The following CAMK2B variants were observed in gnomAD, a reference collection of about 807,000 sequenced individuals.
CAMK2B encodes calcium/calmodulin-dependent protein kinase type II subunit beta.
A neutral mutation model predicts 93.7 loss-of-function variants in CAMK2B; 27 were observed. The observed-to-expected ratio is 0.29, with a 90% CI of 0.21 to 0.40. The LOEUF is 0.40. Ranked by LOEUF, CAMK2B falls within the 10% of genes least tolerant of loss-of-function variation. The pLI, the probability that CAMK2B is intolerant of heterozygous loss-of-function variation, is 1.00. For synonymous variants in CAMK2B, 374 were observed against 358.8 expected (o/e 1.04, Z -0.48); for missense variants, 568 against 895.8 (o/e 0.63, Z 4.67).
rs10237991 is a variant in CAMK2B at position 44,308,581 on chromosome 7, G to A, written c.65+16776C>T. 3.2e-3 allele frequency among the ~76,000 whole-genome samples: 492 copies of A among 152,308 alleles called. 2 individuals carry two copies. Among genetic ancestry groups the A allele is most frequent in the African/African-American group, 0.011 (467 of 41,560 alleles). The stretch of plus-strand genomic sequence containing the variant: ...ACCACACTGCTGCCCTCTCTGAGCT[G>A]GATCCACAGGGACACCCGGAGGGCA... On this transcript the variant is annotated intron_variant, in intron 1 of 23. Transcript: ENST00000395749.
intron 1 of CAMK2B, among the ~76,000 whole-genome samples, chr7:44,307,345 C>A (rs1584847085): frequency 1.1e-5 from 1 of 92,626 alleles, no homozygotes; most frequent in African/African-American, 4.7e-5. Flanking sequence ...AAGTTGTCAG[C>A]AGGGGGAGGA....
chr7:44,322,666 T>G (rs533719685), intron 1 of CAMK2B, among the ~76,000 whole-genome samples: 15 of 152,340 alleles, frequency 9.8e-5, no homozygotes, highest in African/African-American at 3.6e-4. Context: ...ACACTCCCTA[T>G]AGAGCTGGGC....
At chr7:44,230,238 G>A (rs1169042030) in intron 17 of CAMK2B, 2 of 152,424 alleles carry the variant, frequency 1.3e-5, no homozygotes, top group African/African-American at 4.8e-5. Flanking sequence ...TCTCTGCTCA[G>A]GGACAGTGTC....
At chr7:44,292,760 T>A (rs1787216797) in intron 1 of CAMK2B, among the ~76,000 whole-genome samples, 1 of 152,198 alleles carries the variant, frequency 6.6e-6, no homozygotes, top group Non-Finnish European at 1.5e-5. Flanking sequence ...GGACTTCTAT[T>A]CTTAGGACTC....
chr7:44,302,844 G>C (rs1470424855), intron 1 of CAMK2B, among the ~76,000 whole-genome samples: 1 of 152,094 alleles, frequency 6.6e-6, no homozygotes. Flanking sequence ...CTAAGATCAG[G>C]AACAAAGCAA....
intron 2 of CAMK2B, among the ~76,000 whole-genome samples, chr7:44,276,427 C>A (rs1249449488): frequency 2.6e-5 from 4 of 151,948 alleles, no homozygotes; most frequent in African/African-American, 7.3e-5. Flanking sequence ...GGAGGCAGCA[C>A]CCCCCCGCCA....
At chr7:44,301,409 T>C (rs1182194963) in intron 1 of CAMK2B, among the ~76,000 whole-genome samples, 1 of 152,180 alleles carries the variant, frequency 6.6e-6, no homozygotes, top group African/African-American at 2.4e-5. Flanking sequence ...AGCACTGGGA[T>C]TACAGGTGTC....
chr7:44,232,221 C>T (rs1271129587), intron 16 of CAMK2B, among the ~76,000 whole-genome samples: 2 of 152,146 alleles, frequency 1.3e-5, no homozygotes, highest in African/African-American at 4.8e-5. Flanking sequence ...TGTAAGGAGC[C>T]CAGGCCTAGG....
intron 5 of CAMK2B, among the ~76,000 whole-genome samples, chr7:44,253,553 T>G (rs2096800958): frequency 6.6e-6 from 1 of 152,178 alleles, no homozygotes; most frequent in Non-Finnish European, 1.5e-5. Context: ...AAATTTAAAA[T>G]CATCCACAAT....
chr7:44,317,220 A>G (rs1294697046), intron 1 of CAMK2B, among the ~76,000 whole-genome samples: 3 of 149,954 alleles, frequency 2.0e-5, no homozygotes, highest in African/African-American at 4.9e-5. Flanking sequence ...GACTGTAACT[A>G]TTATCCTTAA....
At chr7:44,240,187 G>A (rs1214052760) in intron 12 of CAMK2B, among the ~76,000 whole-genome samples, 1 of 152,080 alleles carries the variant, frequency 6.6e-6, no homozygotes, top group African/African-American at 2.4e-5. Flanking sequence ...TGGGCCTCAG[G>A]GGTCTATAAC....
chr7:44,241,278 C>G (rs1584071627), intron 11 of CAMK2B, among the ~76,000 whole-genome samples: 1 of 152,320 alleles, frequency 6.6e-6, no homozygotes, highest in East Asian at 1.9e-4. Context: ...CCACCTCCCT[C>G]CCAGAACTCC....
intron 2 of CAMK2B, among the ~76,000 whole-genome samples, chr7:44,283,801 T>C (rs980694966): frequency 1.3e-5 from 2 of 152,186 alleles, no homozygotes; most frequent in Non-Finnish European, 2.9e-5. Flanking sequence ...GAGACCCCCA[T>C]ACACGGGATG....
chr7:44,235,227 G>C (rs1190203772), intron 13 of CAMK2B, among the ~76,000 whole-genome samples: 2 of 152,242 alleles, frequency 1.3e-5, no homozygotes, highest in East Asian at 3.8e-4. Flanking sequence ...TCAGAGGTCT[G>C]TCCCATTGGC....
At chr7:44,253,142 C>T (rs79678152) in intron 5 of CAMK2B, among the ~76,000 whole-genome samples, 2,364 of 151,154 alleles carry the variant, frequency 0.016, 13 homozygotes, top group South Asian at 0.026. Flanking sequence ...ACTTCTGCTA[C>T]TTAAAAAAAA....
At position 44,220,658 on chromosome 7, in the gene CAMK2B, G is replaced by A. The variant is rs2096389043; in HGVS notation, c.1726C>T (p.Leu576=). Residue 576 remains leucine, a synonymous_variant, in exon 22 of 24, where the codon CTG becomes TTG. Transcript: ENST00000395749. The part of the protein sequence containing the change: ...TSFEPEALGN[L]VEGMDFHRFY... ...CTGTGGAAGTCCATCCCTTCAACCA[G>A]GTTGCCCAGTGCTTCAGGCTCAAAC... 2 of 1,613,808 alleles carry A rather than the reference G, an allele frequency of 1.2e-6. No individual in the cohort carries two copies. Among genetic ancestry groups the A allele is most frequent in the Non-Finnish European group, 1.7e-6 (2 of 1,179,960 alleles).
At chr7:44,291,230 G>T (rs969253647) in intron 1 of CAMK2B, among the ~76,000 whole-genome samples, 1 of 152,118 alleles carries the variant, frequency 6.6e-6, no homozygotes, top group Admixed American at 6.5e-5. Context: ...GGAGAGTGTT[G>T]GGGTTCCGCC....
intron 1 of CAMK2B, among the ~76,000 whole-genome samples, chr7:44,285,904 T>C (rs73691455): frequency 0.13 from 19,094 of 144,514 alleles, 1,882 homozygotes; most frequent in African/African-American, 0.26. Context: ...CGGTGAGGTG[T>C]TCACTGTTCA....
intron 1 of CAMK2B, among the ~76,000 whole-genome samples, chr7:44,296,623 A>G (rs1295662286): frequency 6.6e-6 from 1 of 152,140 alleles, no homozygotes; most frequent in Non-Finnish European, 1.5e-5. Flanking sequence ...CCCAAAGTGT[A>G]TATCGGGTCG....
Sources: gnomAD v4.1 joint callset for allele counts (sites outside exome capture counted in the v4.1 genomes callset) on GRCh38, gnomAD v4.1.1 for gene constraint, MANE v1.5 for transcripts, NCBI Gene and HGNC (gene_info 2026-07-23, HGNC 2026-07-21) for gene names.